SLC25A13: variants seen among roughly 807,000 people sequenced by gnomAD.
SLC25A13 encodes the protein solute carrier family 25 member 13.
Under a neutral mutation model 85.5 loss-of-function variants are expected in SLC25A13, and 70 were observed. The ratio of observed to expected loss-of-function variants is 0.82; its 90% CI spans 0.68 to 1.00. The LOEUF (loss-of-function observed/expected upper bound fraction) is 1.00, where lower values mean the gene tolerates loss of function less well. Ranked by LOEUF, SLC25A13 falls within the 50% of genes least tolerant of loss-of-function variation. The pLI, the probability that SLC25A13 is intolerant of heterozygous loss-of-function variation, is 0.00. For synonymous variants in SLC25A13, 259 were observed against 288.7 expected (o/e 0.90, Z 1.04); for missense variants, 765 against 819.8 (o/e 0.93, Z 0.82).
intron 5 of SLC25A13, among the ~76,000 whole-genome samples, chr7:96,201,573 G>A (rs535437860): frequency 1.3e-5 from 2 of 152,116 alleles, no homozygotes; most frequent in African/African-American, 4.8e-5. Context: ...GACAAGTTGG[G>A]GGACAAAAGG....
intron 9 of SLC25A13, among the ~76,000 whole-genome samples, chr7:96,186,089 G>A (rs1450391374): frequency 6.6e-6 from 1 of 152,070 alleles, no homozygotes; most frequent in Non-Finnish European, 1.5e-5. Flanking sequence ...TAAATAGAGA[G>A]ATGTTTAGTA....
chr7:96,172,520 T>G (rs931924588), intron 11 of SLC25A13, among the ~76,000 whole-genome samples: 1 of 150,828 alleles, frequency 6.6e-6, no homozygotes, highest in Non-Finnish European at 1.5e-5. Context: ...ATTGCACCAC[T>G]GCACTCCAGC....
At chr7:96,134,793 T>TATATATATATATATATATATA (rs1792192548) in intron 14 of SLC25A13, among the ~76,000 whole-genome samples, 1 of 102,248 alleles carries the variant, frequency 9.8e-6, no homozygotes, top group Non-Finnish European at 1.9e-5. Flanking sequence ...ACAAACAATT[T>TATATATATATATATATATATA]TATATATATA....
chr7:96,280,044 A>G (rs973935298), intron 2 of SLC25A13, among the ~76,000 whole-genome samples: 1 of 152,180 alleles, frequency 6.6e-6, no homozygotes, highest in East Asian at 1.9e-4. Context: ...CCTACGCTCC[A>G]TGGGAGAATG....
intron 4 of SLC25A13, among the ~76,000 whole-genome samples, chr7:96,217,629 T>C (rs1020526773): frequency 6.6e-6 from 1 of 152,106 alleles, no homozygotes; most frequent in Admixed American, 6.6e-5. Context: ...AAACCAATCA[T>C]GAAAGCCCAC....
chr7:96,152,451 A>AATAGAGGTG (rs1335067848), intron 13 of SLC25A13, among the ~76,000 whole-genome samples: 1 of 152,188 alleles, frequency 6.6e-6, no homozygotes, highest in Non-Finnish European at 1.5e-5. Context: ...ATCTATACTG[A>AATAGAGGTG]ATAGAGGTGG....
At chr7:96,298,406 C>G (rs1799429214) in intron 1 of SLC25A13, among the ~76,000 whole-genome samples, 1 of 152,024 alleles carries the variant, frequency 6.6e-6, no homozygotes, top group African/African-American at 2.4e-5. Context: ...CTTGTAACCA[C>G]CAAGGCTATT....
chr7:96,252,081 T>G (rs763928284), intron 3 of SLC25A13, among the ~76,000 whole-genome samples: 40 of 152,214 alleles, frequency 2.6e-4, no homozygotes, highest in Admixed American at 5.2e-4. Context: ...GTCTTAGAGT[T>G]TGCCTTTGAA....
chr7:96,291,499 T>A (rs1457342186), intron 2 of SLC25A13, among the ~76,000 whole-genome samples: 1 of 152,062 alleles, frequency 6.6e-6, no homozygotes, highest in Non-Finnish European at 1.5e-5. Context: ...AGCTGGTTTT[T>A]TGAAAGATCA....
chr7:96,303,938 T>C (rs1799645474), intron 1 of SLC25A13, among the ~76,000 whole-genome samples: 1 of 152,126 alleles, frequency 6.6e-6, no homozygotes, highest in Admixed American at 6.5e-5. Flanking sequence ...TAAATCTCTC[T>C]CTGCTTAAAC....
At chr7:96,188,872 G>C (rs1338968300) in intron 9 of SLC25A13, among the ~76,000 whole-genome samples, 1 of 152,178 alleles carries the variant, frequency 6.6e-6, no homozygotes, top group East Asian at 1.9e-4. Context: ...CGGAAGGCAT[G>C]GCAGTTAGAC....
chr7:96,211,817 A>G (rs754190610), intron 4 of SLC25A13, among the ~76,000 whole-genome samples: 8 of 152,186 alleles, frequency 5.3e-5, no homozygotes, highest in Non-Finnish European at 1.2e-4. Context: ...CATACAAATC[A>G]TCAGTCAACA....
In SLC25A13 at chr7:96,262,070, T is replaced by C. The variant is rs535168933; in HGVS notation, c.212+15126A>G. Among the ~76,000 whole-genome samples the C allele has an allele frequency of 1.8e-3, 274 of 152,318 alleles. 3 individuals carry two copies. Among genetic ancestry groups the C allele is most frequent in the African/African-American group, 6.4e-3 (267 of 41,570 alleles). Reference sequence around the variant, plus strand: ...GAACTTTCAGGACACATTCAAACTATAGCAGTTTTGCTTCATGAATTCCTC... The same window carrying C: ...GAACTTTCAGGACACATTCAAACTACAGCAGTTTTGCTTCATGAATTCCTC... On this transcript the variant is annotated intron_variant, in intron 3 of 17. Transcript: ENST00000265631.
chr7:96,132,039 G>A (rs894798483), intron 14 of SLC25A13, among the ~76,000 whole-genome samples, 158 bp from the exon 15 acceptor site: 4 of 152,284 alleles, frequency 2.6e-5, no homozygotes, highest in African/African-American at 9.6e-5. Context: ...CCCAAATTCT[G>A]CAAGTAATAA....
chr7:96,269,870 T>G (rs533573124), intron 3 of SLC25A13, among the ~76,000 whole-genome samples: 1 of 152,090 alleles, frequency 6.6e-6, no homozygotes, highest in Non-Finnish European at 1.5e-5. Context: ...GAAAGACAAA[T>G]ACTACATGAT....
intron 14 of SLC25A13, among the ~76,000 whole-genome samples, chr7:96,143,836 C>T (rs1266322881): frequency 2.0e-5 from 3 of 152,168 alleles, no homozygotes; most frequent in Non-Finnish European, 4.4e-5. Flanking sequence ...GCCAACCACT[C>T]ACCCTTCTTG....
chr7:96,194,801 T>C (rs146928154), intron 5 of SLC25A13, among the ~76,000 whole-genome samples: 2 of 152,308 alleles, frequency 1.3e-5, no homozygotes, highest in Admixed American at 1.3e-4. Flanking sequence ...TTTGAAAATG[T>C]CTACATTTAA....
chr7:96,173,758 G>A (rs755699218), intron 11 of SLC25A13, among the ~76,000 whole-genome samples: 3 of 152,102 alleles, frequency 2.0e-5, no homozygotes, highest in Admixed American at 6.5e-5. Flanking sequence ...ATCTAAGCCT[G>A]CTTCATCCCC....
At chr7:96,219,523 T>C (rs924251166) in intron 4 of SLC25A13, 1 of 339,294 alleles carries the variant, frequency 2.9e-6, no homozygotes, top group African/African-American at 2.2e-5. Context: ...CTAGTCACCT[T>C]TTCCCCTCTG....
Sources: gnomAD v4.1 joint callset for allele counts (sites outside exome capture counted in the v4.1 genomes callset) on GRCh38, gnomAD v4.1.1 for gene constraint, MANE v1.5 for transcripts, NCBI Gene and HGNC (gene_info 2026-07-23, HGNC 2026-07-21) for gene names.